The following NUP133 variants were observed in gnomAD, a reference collection of about 807,000 sequenced individuals.
NUP133 encodes nuclear pore complex protein Nup133.
NUP133 carries 66 observed loss-of-function variants against 146.2 expected under a neutral mutation model. The observed-to-expected ratio is 0.45, with a 90% CI of 0.37 to 0.55. NUP133 has a LOEUF of 0.55. Among genes scored for constraint, NUP133 ranks in the 20% least tolerant of loss-of-function variants. The pLI is 0.00. For synonymous variants in NUP133, 521 were observed against 498.8 expected, an observed-to-expected ratio of 1.04 and a Z score of -0.59; for missense variants, 1,277 against 1,374.8, an observed-to-expected ratio of 0.93 and a Z score of 1.12.
rs751157872 is a variant in NUP133, at chr1:229,508,148, C to T, written c.102G>A (p.Arg34=). The T allele has an allele frequency of 1.9e-6, 3 of 1,596,264 alleles. No homozygotes were observed. Among genetic ancestry groups the T allele is most frequent in the Non-Finnish European group, 2.6e-6 (3 of 1,172,966 alleles). ...GPGSTPRTAS[R]KGLPLGSAVS... is the part of the protein sequence containing the mutation. ...CTGCAGACCCCAGGGGCAGACCCTT[C>T]CTGCTAGCCGTCCGGGGCGTGGAGC... The change falls in exon 1 of 26, where the codon AGG becomes AGA. Residue 34 remains arginine (R), a synonymous_variant. Transcript: ENST00000261396.
At chr1:229,493,218 C>T (rs1053117836) in intron 8 of NUP133, among the ~76,000 whole-genome samples, 63 of 152,050 alleles carry the variant, frequency 4.1e-4, no homozygotes, top group Admixed American at 9.2e-4. Context: ...TTCTCTGTTG[C>T]CCAGGGTAGA....
At chr1:229,448,223 G>A (rs984278706) in intron 24 of NUP133, among the ~76,000 whole-genome samples, 5 of 152,120 alleles carry the variant, frequency 3.3e-5, no homozygotes, top group African/African-American at 7.2e-5. Context: ...GAGGTCTGGC[G>A]TTCCACAGCA....
intron 2 of NUP133, among the ~76,000 whole-genome samples, chr1:229,505,564 TAAAAAAAAAAAAAAAAA>T (rs56383157): frequency 1.6e-5 from 1 of 63,220 alleles, no homozygotes; most frequent in African/African-American, 5.9e-5. Context: ...CAATTACAGT[TAAAAAAAAAAAAAAAAA>T]AAAAAAAAAA....
In NUP133 at chr1:229,476,226, T is replaced by C. The variant is rs550083856; in HGVS notation, c.1757-494A>G. On this transcript the variant is annotated intron_variant, in intron 13 of 25. Coordinates refer to ENST00000261396, the MANE Select transcript of NUP133 (RefSeq NM_018230.3). ...AAATTTAAGAGTAAATTTTGGAGGT[T>C]TGATACAATTCATACTGTATTTATT... 4.3e-4 allele frequency among the ~76,000 whole-genome samples: 65 copies of C among 152,360 alleles called. 1 individual carries two copies. In the South Asian group the frequency reaches 0.012, roughly 29 times the overall value.
chr1:229,465,176 A>G (rs759538201), intron 17 of NUP133, among the ~76,000 whole-genome samples: 1 of 152,314 alleles, frequency 6.6e-6, no homozygotes, highest in African/African-American at 2.4e-5. Context: ...GACTGCTTCT[A>G]TGAATAACTA....
At chr1:229,484,014 C>G in intron 12 of NUP133, 40 bp downstream of exon 12, 1 of 1,397,466 alleles carries the variant, frequency 7.2e-7, no homozygotes, top group South Asian at 1.2e-5. Flanking sequence ...AACATATCCT[C>G]ACACATAAAA....
At chr1:229,489,857 C>T in intron 9 of NUP133, 98 bp downstream of exon 9, 1 of 1,136,298 alleles carries the variant, frequency 8.8e-7, no homozygotes, top group Admixed American at 3.2e-5. Context: ...GCCTGGGTGA[C>T]AGAGCAAAAC....
intron 2 of NUP133, among the ~76,000 whole-genome samples, chr1:229,504,268 T>C (rs1319520093): frequency 2.6e-5 from 4 of 152,218 alleles, no homozygotes; most frequent in South Asian, 2.1e-4. Context: ...ACATATGAGA[T>C]GCATTCTATT....
chr1:229,456,743 GTATA>G (rs35686668), intron 21 of NUP133, among the ~76,000 whole-genome samples: 1 of 149,792 alleles, frequency 6.7e-6, no homozygotes, highest in African/African-American at 2.5e-5. Context: ...TGTGTATTGT[GTATA>G]TATATATACA....
intron 8 of NUP133, among the ~76,000 whole-genome samples, chr1:229,491,541 G>A (rs1301951627): frequency 2.0e-5 from 3 of 152,216 alleles, no homozygotes; most frequent in Admixed American, 1.3e-4. Flanking sequence ...CACTTTGGGA[G>A]GCCGAGGTGG....
chr1:229,457,923 A>T (rs73114345), intron 21 of NUP133, among the ~76,000 whole-genome samples: 6,826 of 152,252 alleles, frequency 0.045, 460 homozygotes, highest in African/African-American at 0.15. Flanking sequence ...GACCTCTCCA[A>T]TCAAAATCAT....
At chr1:229,443,816 C>A (rs190764392) in intron 25 of NUP133, among the ~76,000 whole-genome samples, 2 of 148,702 alleles carry the variant, frequency 1.3e-5, no homozygotes, top group African/African-American at 2.5e-5. Context: ...GCAGCCTTCA[C>A]CTCCTGGGCT....
At chr1:229,449,212 A>C (rs1203409412) in intron 23 of NUP133, 22 bp from the exon 24 acceptor site, 3 of 1,519,788 alleles carry the variant, frequency 2.0e-6, no homozygotes, top group African/African-American at 1.4e-5. Flanking sequence ...AACAAAAAAA[A>C]TCCTGATTAA....
intron 3 of NUP133, among the ~76,000 whole-genome samples, 187 bp downstream of exon 3, chr1:229,501,812 C>CT (rs1449477932): frequency 1.3e-5 from 2 of 152,128 alleles, no homozygotes; most frequent in African/African-American, 4.8e-5. Flanking sequence ...AAGGGGGAAA[C>CT]TTTTTTCCCA....
chr1:229,462,929 C>G (rs1163283778), intron 19 of NUP133, among the ~76,000 whole-genome samples: 2 of 152,120 alleles, frequency 1.3e-5, no homozygotes, highest in African/African-American at 4.8e-5. Context: ...TAAAGCTAAG[C>G]TCTCTTAAAG....
At chr1:229,507,991 T>C (rs1433619187) in intron 1 of NUP133, 77 bp downstream of exon 1, 9 of 1,355,858 alleles carry the variant, frequency 6.6e-6, no homozygotes, top group African/African-American at 3.0e-5. Flanking sequence ...CAAAGGCTTC[T>C]AAAGACAACA....
At chr1:229,490,616 T>C (rs1024580280) in intron 8 of NUP133, among the ~76,000 whole-genome samples, 3 of 152,136 alleles carry the variant, frequency 2.0e-5, no homozygotes, top group Admixed American at 1.3e-4. Flanking sequence ...GTTATAAAAC[T>C]GTTCTGTATT....
At chr1:229,450,767 C>T in intron 22 of NUP133, 162 bp from the exon 23 acceptor site, 1 of 382,752 alleles carries the variant, frequency 2.6e-6, no homozygotes, top group South Asian at 4.0e-5. Flanking sequence ...GCTCTGTCAC[C>T]CAGGCTGGAT....
intron 8 of NUP133, 113 bp downstream of exon 8, chr1:229,495,382 C>A (rs1661630892): frequency 1.4e-6 from 1 of 721,664 alleles, no homozygotes; most frequent in South Asian, 1.7e-5. Context: ...TAGAGTGAGA[C>A]CCTGTCTCCA....
Sources: gnomAD v4.1 joint callset for allele counts (sites outside exome capture counted in the v4.1 genomes callset) on GRCh38, gnomAD v4.1.1 for gene constraint, MANE v1.5 for transcripts, NCBI Gene and HGNC (gene_info 2026-07-23, HGNC 2026-07-21) for gene names.